UTP20: variants seen among roughly 807,000 people sequenced by gnomAD.
UTP20 encodes the protein UTP20 small subunit processome component, also known as small subunit processome component 20 homolog.
UTP20 carries 164 observed loss-of-function variants against 329.5 expected under a neutral mutation model. The ratio of observed to expected loss-of-function variants is 0.50; its 90% CI spans 0.44 to 0.57. The LOEUF (loss-of-function observed/expected upper bound fraction) is 0.57. UTP20 is among the 20% of genes least tolerant of loss of function. UTP20 has a pLI of 0.00. For synonymous variants in UTP20, 1,151 were observed against 1,159.3 expected (o/e 0.99, Z 0.14); for missense variants, 3,055 against 3,284.2 (o/e 0.93, Z 1.71).
intron 21 of UTP20, 113 bp downstream of exon 21, chr12:101,312,389 G>T: frequency 2.8e-6 from 4 of 1,406,586 alleles, no homozygotes; most frequent in Non-Finnish European, 2.9e-6. Flanking sequence ...CTTTCTTTCT[G>T]CTTCCAATCA....
chr12:101,357,006 T>C lies in UTP20; in HGVS notation c.5615T>C (p.Ile1872Thr). ...ATTGCACGCAGCACTCTTGCGAAAA[T>C]AATAGAGGATCTTGGTGTGCACTTC... ...RDIARSTLAK[I>T]IEDLGVHFLL... Residue 1872 changes from isoleucine (I) to threonine (T), a missense_variant, in exon 43 of 62, where the codon ATA becomes ACA. This residue lies in a region of UTP20 where 2,445 missense variants were observed against 2,575.5 expected (regional missense o/e 0.95). Transcript: ENST00000261637. 1.9e-6 allele frequency: 3 copies of C among 1,614,048 alleles called. No homozygotes were observed. The highest frequency in any genetic ancestry group is 1.7e-6 in the Non-Finnish European group (2 of 1,179,954).
chr12:101,351,255 T>C (rs1022569497), intron 38 of UTP20, among the ~76,000 whole-genome samples: 5 of 151,914 alleles, frequency 3.3e-5, no homozygotes, highest in Admixed American at 1.3e-4. Context: ...GCCTCCTGAG[T>C]AGCTGGGATT....
At chr12:101,282,435 C>T (rs1871830050) in intron 2 of UTP20, among the ~76,000 whole-genome samples, 1 of 151,154 alleles carries the variant, frequency 6.6e-6, no homozygotes, top group Admixed American at 6.6e-5. Context: ...GCAAAGCAGT[C>T]CAGTGTGGTT....
intron 41 of UTP20, 150 bp from the exon 42 acceptor site, chr12:101,356,404 G>A: frequency 2.6e-6 from 2 of 773,958 alleles, no homozygotes; most frequent in Non-Finnish European, 3.9e-6. Flanking sequence ...GGGATTCCAG[G>A]CATGAGCCAC....
At chr12:101,300,522 T>A (rs1565787811) in intron 14 of UTP20, among the ~76,000 whole-genome samples, 1 of 152,138 alleles carries the variant, frequency 6.6e-6, no homozygotes, top group Non-Finnish European at 1.5e-5. Flanking sequence ...AACTCTTGCT[T>A]ATCTTCCAAA....
intron 35 of UTP20, among the ~76,000 whole-genome samples, chr12:101,343,501 A>C (rs1274457101): frequency 6.6e-6 from 1 of 152,098 alleles, no homozygotes; most frequent in Admixed American, 6.5e-5. Context: ...ATATACTTAA[A>C]ACCACTGAAT....
intron 59 of UTP20, 96 bp downstream of exon 59, chr12:101,383,409 T>C (rs1023634760): frequency 6.7e-7 from 1 of 1,490,394 alleles, no homozygotes; most frequent in South Asian, 1.3e-5. Flanking sequence ...AGAAACTTTA[T>C]CTTTGAACCC....
intron 45 of UTP20, among the ~76,000 whole-genome samples, chr12:101,364,977 G>C (rs778140154): frequency 6.6e-6 from 1 of 152,052 alleles, no homozygotes; most frequent in Admixed American, 6.6e-5. Flanking sequence ...AGGTTCCTCT[G>C]ATTTGGCCCA....
At chr12:101,314,963 C>T (rs1177744253) in intron 21 of UTP20, among the ~76,000 whole-genome samples, 1 of 151,146 alleles carries the variant, frequency 6.6e-6, no homozygotes, top group Non-Finnish European at 1.5e-5. Context: ...ATGGTGGTGC[C>T]TGCCTGTAAG....
At position 101,317,131 on chromosome 12, in the gene UTP20, C is replaced by CT. The variant is rs577706128; in HGVS notation, c.2553-344dup. On this transcript the variant is annotated intron_variant, in intron 21 of 61. Coordinates refer to ENST00000261637, the MANE Select transcript of UTP20 (RefSeq NM_014503.3). The stretch of plus-strand genomic sequence containing the variant: ...TGACCAGCACAGTCCTAATGCTATA[C>CT]TTTAATCATTTAATATCATCCATCC... 2.7e-3 allele frequency among the ~76,000 whole-genome samples: 408 copies of CT among 152,296 alleles called. 2 individuals are homozygous for CT. Among genetic ancestry groups the CT allele is most frequent in the African/African-American group, 9.5e-3 (394 of 41,568 alleles).
intron 17 of UTP20, among the ~76,000 whole-genome samples, chr12:101,307,294 T>TACACAC (rs35767250): frequency 0.069 from 10,154 of 146,918 alleles, 446 homozygotes; most frequent in Non-Finnish European, 0.11. Context: ...ACTTTTTGAA[T>TACACAC]ACACACACAC....
Position 101,351,875 on chromosome 12 carries a change from C to A in UTP20, c.4885-180C>A, listed in dbSNP as rs769972277. 3.2e-4 allele frequency among the ~76,000 whole-genome samples: 49 copies of A among 152,216 alleles called. 1 individual carries two copies. The highest frequency in any genetic ancestry group is 6.3e-4 in the Non-Finnish European group (43 of 68,002). ...GTTAATAGCCTTTAAAGAATGATGTCATTCCTTTAAATCTATAGCATGTTT... is the reference window on the plus strand; with the variant it reads ...GTTAATAGCCTTTAAAGAATGATGTAATTCCTTTAAATCTATAGCATGTTT... On this transcript the variant is annotated intron_variant, in intron 38 of 61. Coordinates refer to ENST00000261637, the MANE Select transcript of UTP20 (RefSeq NM_014503.3).
rs1209421135 is a variant in UTP20, at chr12:101,327,193, G to A, written c.3154G>A (p.Glu1052Lys). The A allele has an allele frequency of 6.2e-7, 1 of 1,612,248 alleles. No homozygotes were observed. The highest frequency in any genetic ancestry group is 2.2e-5 in the East Asian group (1 of 44,812). The change falls in exon 26 of 62, where the codon GAG (glutamate) becomes AAG (lysine). Residue 1052 changes from glutamate to lysine, a missense_variant. Glu to Lys is a moderately conservative substitution (Grantham distance 56, BLOSUM62 1). This residue lies in a region of UTP20 where 2,445 missense variants were observed against 2,575.5 expected (regional missense o/e 0.95). Coordinates refer to ENST00000261637, the MANE Select transcript of UTP20 (RefSeq NM_014503.3). ...GTTCCTGGCCGGGACCCAACCTGAG[G>A]AGATCCAGATATTCTTAGACCTGCT... ...LRFLAGTQPE[E>K]IQIFLDLLFE... is the part of the protein sequence containing the mutation.
At position 101,280,156 on chromosome 12, in the gene UTP20, C is replaced by T; in HGVS notation, c.-127C>T. ...TGGCGGCGCCCAGGGGCTCAAGCCG[C>T]ACGTGAGAAAGTCTGGGCATCTGGG... On this transcript the variant is annotated 5_prime_UTR_variant, in exon 1 of 62. Transcript: ENST00000261637. The T allele has an allele frequency of 1.6e-6, 2 of 1,256,188 alleles. No homozygotes were observed. Among genetic ancestry groups the T allele is most frequent in the Non-Finnish European group, 2.2e-6 (2 of 907,870 alleles). 77.8% of individuals were successfully genotyped at this position (1,256,188 alleles called of 1,614,324 possible). A position where few individuals can be genotyped will look rare whatever the true frequency, so the allele number is the denominator to read the frequency against.
At chr12:101,311,567 T>C (rs1593427788) in intron 19 of UTP20, 152 bp from the exon 20 acceptor site, 3 of 626,184 alleles carry the variant, frequency 4.8e-6, no homozygotes, top group East Asian at 2.9e-5. Context: ...TTGAAAAATA[T>C]AGAAAAGTGC....
At chr12:101,330,461 CT>C (rs1868725229) in intron 27 of UTP20, among the ~76,000 whole-genome samples, 2 of 152,108 alleles carry the variant, frequency 1.3e-5, no homozygotes, top group Admixed American at 1.3e-4. Context: ...ATGGAAACTG[CT>C]GAGAAGCTCG....
intron 51 of UTP20, 114 bp downstream of exon 51, chr12:101,371,282 T>C: frequency 1.3e-6 from 1 of 792,666 alleles, no homozygotes; most frequent in South Asian, 2.4e-5. Context: ...ATTGTTGCTT[T>C]ATGCTGAGAC....
chr12:101,375,781 A>G (rs1200068070), intron 56 of UTP20, 25 bp downstream of exon 56: 11 of 1,420,076 alleles, frequency 7.7e-6, no homozygotes, highest in Non-Finnish European at 9.8e-6. Flanking sequence ...TTTTATTTAA[A>G]TCAAACACAT....
In UTP20 at chr12:101,343,534, A is replaced by G. The variant is rs187502782; in HGVS notation, c.4449+441A>G. Among the ~76,000 whole-genome samples the G allele has an allele frequency of 2.1e-3, 325 of 152,164 alleles. 2 individuals carry two copies. Among genetic ancestry groups the G allele is most frequent in the South Asian group, 0.013 (62 of 4,826 alleles). Reference sequence around the variant, plus strand: ...AATTGTAAATTTTTTTTTTGGAGACAGGATCTCGTTCTGTCACCCAGGCTA... The same window carrying G: ...AATTGTAAATTTTTTTTTTGGAGACGGGATCTCGTTCTGTCACCCAGGCTA... On this transcript the variant is annotated intron_variant, in intron 35 of 61. Coordinates refer to ENST00000261637, the MANE Select transcript of UTP20 (RefSeq NM_014503.3).
Sources: allele counts gnomAD v4.1 joint callset (sites outside exome capture counted in the v4.1 genomes callset), GRCh38; gene constraint gnomAD v4.1.1; regional missense constraint gnomAD v4.1.1; transcripts MANE v1.5; gene names NCBI Gene and HGNC (gene_info 2026-07-23, HGNC 2026-07-21).